C2orf74: variants seen among roughly 807,000 people sequenced by gnomAD.
C2orf74 encodes uncharacterized protein C2orf74.
Under a neutral mutation model 17.9 loss-of-function variants are expected in C2orf74, and 14 were observed. The ratio of observed to expected loss-of-function variants is 0.78; its 90% CI spans 0.52 to 1.22. The LOEUF (loss-of-function observed/expected upper bound fraction) is 1.22, where lower values mean the gene tolerates loss of function less well. Among genes scored for constraint, C2orf74 ranks in the 50% most tolerant of loss-of-function variants. The pLI is 0.00. For synonymous variants in C2orf74, 79 were observed against 72.6 expected (o/e 1.09, Z -0.44); for missense variants, 217 against 218.4 (o/e 0.99, Z 0.04).
exon 1 of C2orf74, chr2:61,145,121 C>T (rs1159517513): frequency 6.6e-6 from 1 of 152,270 alleles, no homozygotes; most frequent in African/African-American, 2.4e-5. Context: ...CAGTCAGATC[C>T]GAGGACATGT....
At chr2:61,155,505 T>TTTTGTTTG (rs35729703) in intron 1 of C2orf74, among the ~76,000 whole-genome samples, 108 of 150,658 alleles carry the variant, frequency 7.2e-4, no homozygotes, top group South Asian at 4.4e-3. Context: ...AATCAAGGCT[T>TTTTGTTTG]TTTGTTTGTT....
At position 61,162,513 on chromosome 2, in the gene C2orf74, C is replaced by G. The variant is rs750344360; in HGVS notation, c.-2C>G. 2.5e-5 allele frequency: 38 copies of G among 1,550,984 alleles called. 1 individual carries two copies. The South Asian group carries it at 4.2e-4, about 17-fold the overall frequency. ...GAGTGGATGAGTCTTCTAGCTAAAC[C>G]TATGAGCTTTGAAACCACAGCAATC... On this transcript the variant is annotated 5_prime_UTR_variant, in exon 2 of 5. Coordinates refer to ENST00000432605, the MANE Select transcript of C2orf74 (RefSeq NM_001143959.4).
chr2:61,163,269 A>G (rs1685623008), intron 4 of C2orf74, 37 bp downstream of exon 4: 1 of 1,531,680 alleles, frequency 6.5e-7, no homozygotes, highest in Non-Finnish European at 8.8e-7. Context: ...GCAGTTTAGA[A>G]TTTGTTTGAT....
At position 61,163,611 on chromosome 2, in the gene C2orf74, AATAAT is replaced by A. The variant is rs1685641450; in HGVS notation, c.390+381_390+385del. ...GGGAGACTCCATCTCAAAAAAAAATAATAATAATAATAAATAATAATAATAATAGG... is the reference window on the plus strand; with the variant it reads ...GGGAGACTCCATCTCAAAAAAAAATAAATAATAAATAATAATAATAATAGG... On this transcript the variant is annotated intron_variant, in intron 4 of 4. Coordinates refer to ENST00000432605, the MANE Select transcript of C2orf74 (RefSeq NM_001143959.4). Among the ~76,000 whole-genome samples, 5 of 149,856 alleles carry A rather than the reference AATAAT, an allele frequency of 3.3e-5. No individual in the cohort carries two copies. The South Asian group carries it at 1.0e-3, about 31-fold the overall frequency.
chr2:61,147,729 G>C (rs72811408), intron 1 of C2orf74, among the ~76,000 whole-genome samples: 20,709 of 152,020 alleles, frequency 0.14, 1,915 homozygotes, highest in South Asian at 0.35. Flanking sequence ...TTATTTGTGT[G>C]GCAAATATTT....
upstream of C2orf74, among the ~76,000 whole-genome samples, chr2:61,160,361 A>G (rs1685526694): frequency 6.6e-6 from 1 of 152,108 alleles, no homozygotes; most frequent in Admixed American, 6.5e-5. Flanking sequence ...GGGTTTCACC[A>G]TGTTGGCCAG....
At chr2:61,147,381 A>G (rs959771613) in intron 1 of C2orf74, among the ~76,000 whole-genome samples, 8 of 152,134 alleles carry the variant, frequency 5.3e-5, no homozygotes, top group African/African-American at 1.9e-4. Context: ...ATTATTTTAC[A>G]TGTTTTTACA....
chr2:61,157,444 G>A (rs545640694), upstream of C2orf74, among the ~76,000 whole-genome samples: 41 of 152,242 alleles, frequency 2.7e-4, no homozygotes, highest in African/African-American at 9.1e-4. Context: ...TGTGATGCTC[G>A]TTGCAGTGCT....
At chr2:61,159,616 A>C (rs997973578), upstream of C2orf74, among the ~76,000 whole-genome samples, 1 of 152,142 alleles carries the variant, frequency 6.6e-6, no homozygotes, top group Non-Finnish European at 1.5e-5. Flanking sequence ...TCTTAAAAGG[A>C]TTGAGAGGTG....
intron 1 of C2orf74, among the ~76,000 whole-genome samples, chr2:61,145,832 A>G (rs1390204236): frequency 6.6e-6 from 1 of 152,230 alleles, no homozygotes; most frequent in Non-Finnish European, 1.5e-5. Flanking sequence ...AAGTGCTAGG[A>G]TTACAGGCCA....
chr2:61,159,276 G>T (rs1427174603), upstream of C2orf74: 1 of 364,354 alleles, frequency 2.7e-6, no homozygotes, highest in Non-Finnish European at 5.3e-6. Context: ...GATTACAGGC[G>T]TGAGCCACCA....
At chr2:61,161,487 A>G (rs970008901), upstream of C2orf74, among the ~76,000 whole-genome samples, 1 of 152,206 alleles carries the variant, frequency 6.6e-6, no homozygotes, top group Non-Finnish European at 1.5e-5. Context: ...AGAGATGATA[A>G]TATGTTTATT....
rs1457568586 is a variant in C2orf74, at chr2:61,164,716, A to C, written c.*189A>C. 6.9e-6 allele frequency: 3 copies of C among 433,846 alleles called. No individual in the cohort carries two copies. Among genetic ancestry groups the C allele is most frequent in the Non-Finnish European group, 1.2e-5 (3 of 254,936 alleles). 26.9% of individuals were successfully genotyped at this position (433,846 alleles called of 1,614,324 possible). A position where few individuals can be genotyped will look rare whatever the true frequency, so the allele number is the denominator to read the frequency against. ...TAAGTAAAATACTTAGAGCTTGAAT[A>C]TAATTTTTTAAAAATTCAAATCTGA... On this transcript the variant is annotated 3_prime_UTR_variant, in exon 5 of 5. Transcript: ENST00000432605.
intron 2 of C2orf74, 24 bp downstream of exon 2, chr2:61,162,633 G>A (rs2103647043): frequency 1.4e-6 from 2 of 1,405,362 alleles, no homozygotes; most frequent in Non-Finnish European, 2.0e-6. Flanking sequence ...CTGATAATTG[G>A]GATCAGATTT....
At chr2:61,163,017 A>G (rs1685612902) in intron 3 of C2orf74, 35 bp from the exon 4 acceptor site, 4 of 1,552,116 alleles carry the variant, frequency 2.6e-6, no homozygotes, top group Non-Finnish European at 3.5e-6. Flanking sequence ...ATGAGGATGC[A>G]TGAATGTTTA....
At chr2:61,155,930 G>T (rs1156254406) in intron 1 of C2orf74, among the ~76,000 whole-genome samples, 1 of 152,124 alleles carries the variant, frequency 6.6e-6, no homozygotes, top group African/African-American at 2.4e-5. Flanking sequence ...TGGGCGTGGT[G>T]GTTCATGCCT....
At chr2:61,160,537 C>A (rs1432433432), upstream of C2orf74, among the ~76,000 whole-genome samples, 1 of 150,708 alleles carries the variant, frequency 6.6e-6, no homozygotes, top group African/African-American at 2.4e-5. Flanking sequence ...CAGATGGAGT[C>A]CTACTCTGTC....
At chr2:61,149,067 G>A (rs1342461039) in intron 1 of C2orf74, among the ~76,000 whole-genome samples, 1 of 152,128 alleles carries the variant, frequency 6.6e-6, no homozygotes, top group East Asian at 1.9e-4. Flanking sequence ...TAACCTCCTG[G>A]TACAAACATG....
intron 1 of C2orf74, among the ~76,000 whole-genome samples, chr2:61,146,607 G>T (rs1385209059): frequency 6.6e-6 from 1 of 152,148 alleles, no homozygotes; most frequent in African/African-American, 2.4e-5. Flanking sequence ...AGGCCGAGAC[G>T]GGCAGATCAC....
Sources: gnomAD v4.1 joint callset for allele counts (sites outside exome capture counted in the v4.1 genomes callset) on GRCh38, gnomAD v4.1.1 for gene constraint, MANE v1.5 for transcripts, NCBI Gene and HGNC (gene_info 2026-07-23, HGNC 2026-07-21) for gene names.